The following LRRC4C variants were observed in gnomAD, a reference collection of about 807,000 sequenced individuals.
LRRC4C encodes the protein leucine-rich repeat-containing protein 4C.
Under a neutral mutation model 33.6 loss-of-function variants are expected in LRRC4C, and 5 were observed. That is an observed-to-expected ratio of 0.15 (90% confidence interval 0.08 to 0.31). The LOEUF (loss-of-function observed/expected upper bound fraction) is 0.31. Ranked by LOEUF, LRRC4C falls within the 10% of genes least tolerant of loss-of-function variation. The pLI is 1.00. For synonymous variants in LRRC4C, 329 were observed against 302.0 expected, an observed-to-expected ratio of 1.09 and a Z score of -0.93; for missense variants, 560 against 796.7, an observed-to-expected ratio of 0.70 and a Z score of 3.58.
In LRRC4C at chr11:40,122,228, C is replaced by G. The variant is rs538441257; in HGVS notation, c.-42-5894G>C. On this transcript the variant is annotated intron_variant, in intron 6 of 6. Coordinates refer to ENST00000528697, the MANE Select transcript of LRRC4C (RefSeq NM_001258419.2). ...CTACATTGAAAAACCTTCCTAGACTCATACTTCCAATTCTTTTTTTTAAAT... is the reference window on the plus strand; with the variant it reads ...CTACATTGAAAAACCTTCCTAGACTGATACTTCCAATTCTTTTTTTTAAAT... 2.0e-5 allele frequency among the ~76,000 whole-genome samples: 3 copies of G among 152,256 alleles called. No individual in the cohort carries two copies. In the East Asian group the frequency reaches 5.8e-4, roughly 29 times the overall value.
At chr11:40,326,604 A>G (rs1474432084) in intron 3 of LRRC4C, among the ~76,000 whole-genome samples, 2 of 152,158 alleles carry the variant, frequency 1.3e-5, no homozygotes, top group Non-Finnish European at 2.9e-5. Flanking sequence ...GTGCAGGGCC[A>G]AAGAAGCTTA....
chr11:41,028,171 T>A (rs1565314868), intron 1 of LRRC4C, among the ~76,000 whole-genome samples: 2 of 151,428 alleles, frequency 1.3e-5, no homozygotes, highest in Admixed American at 6.6e-5. Context: ...CATTTTTTTT[T>A]AAAGCTATAT....
chr11:40,700,979 G>T (rs912989166), intron 2 of LRRC4C, among the ~76,000 whole-genome samples: 5 of 152,064 alleles, frequency 3.3e-5, no homozygotes, highest in Admixed American at 1.3e-4. Context: ...ACATATTTTC[G>T]TTTTTCCCTT....
intron 5 of LRRC4C, among the ~76,000 whole-genome samples, chr11:40,170,727 T>G (rs565682811): frequency 6.6e-6 from 1 of 152,178 alleles, no homozygotes; most frequent in Non-Finnish European, 1.5e-5. Context: ...CTTCATCAGG[T>G]GAGAGTTTAC....
At chr11:40,964,305 CAAAT>C (rs1463636018) in intron 1 of LRRC4C, among the ~76,000 whole-genome samples, 1 of 151,416 alleles carries the variant, frequency 6.6e-6, no homozygotes, top group East Asian at 1.9e-4. Flanking sequence ...TCAAACAAAA[CAAAT>C]AAAGCAAAAA....
chr11:40,595,756 A>T (rs1959227351), intron 3 of LRRC4C, among the ~76,000 whole-genome samples: 1 of 152,140 alleles, frequency 6.6e-6, no homozygotes, highest in South Asian at 2.1e-4. Flanking sequence ...GCAGGCAGAA[A>T]TAGCCTGTGT....
chr11:40,886,995 TACAC>T (rs369413177), intron 2 of LRRC4C, among the ~76,000 whole-genome samples: 12 of 144,124 alleles, frequency 8.3e-5, no homozygotes, highest in Non-Finnish European at 1.2e-4. Flanking sequence ...TGTATATATC[TACAC>T]ACACACACAC....
At chr11:40,917,235 A>C (rs1957000037) in intron 2 of LRRC4C, among the ~76,000 whole-genome samples, 1 of 152,110 alleles carries the variant, frequency 6.6e-6, no homozygotes, top group African/African-American at 2.4e-5. Flanking sequence ...TTCTCTCCAT[A>C]ATGTGGCTAG....
chr11:40,870,943 C>A (rs576983666), intron 2 of LRRC4C, among the ~76,000 whole-genome samples: 3 of 152,124 alleles, frequency 2.0e-5, no homozygotes, highest in Non-Finnish European at 2.9e-5. Context: ...TTTTTCTCAG[C>A]AAGGAACATC....
At chr11:40,857,052 T>C (rs1338298913) in intron 2 of LRRC4C, among the ~76,000 whole-genome samples, 1 of 152,170 alleles carries the variant, frequency 6.6e-6, no homozygotes, top group African/African-American at 2.4e-5. Flanking sequence ...GAAAAGTGAT[T>C]CCCAGCAAAT....
At chr11:40,490,255 C>T (rs908358668) in intron 3 of LRRC4C, among the ~76,000 whole-genome samples, 1 of 152,096 alleles carries the variant, frequency 6.6e-6, no homozygotes, top group African/African-American at 2.4e-5. Context: ...AGTACTTGGC[C>T]AAGCTGACAT....
intron 1 of LRRC4C, among the ~76,000 whole-genome samples, chr11:40,962,405 G>A (rs1048781805): frequency 4.6e-5 from 7 of 151,722 alleles, no homozygotes; most frequent in African/African-American, 1.2e-4. Flanking sequence ...ACATTTGTGA[G>A]TTACAACAGA....
intron 6 of LRRC4C, among the ~76,000 whole-genome samples, chr11:40,136,061 G>T (rs1359631978): frequency 6.6e-6 from 1 of 152,118 alleles, no homozygotes; most frequent in African/African-American, 2.4e-5. Context: ...GCAAAATCGG[G>T]CTCACCACGC....
chr11:40,414,703 T>C lies in LRRC4C; in HGVS notation c.-269-94982A>G, dbSNP rs16934817. ...AGAAGAAACATTCCCTTTTGGAACT[T>C]GATTCATGTGAAACTCTATTATTAA... On this transcript the variant is annotated intron_variant, in intron 3 of 6. Coordinates refer to ENST00000528697, the MANE Select transcript of LRRC4C (RefSeq NM_001258419.2). Among the ~76,000 whole-genome samples the C allele has an allele frequency of 6.2e-3, 940 of 152,234 alleles. 15 individuals carry two copies. The highest frequency in any genetic ancestry group is 0.022 in the African/African-American group (896 of 41,546).
At chr11:40,315,439 T>TAC (rs1322753980) in intron 4 of LRRC4C, among the ~76,000 whole-genome samples, 1 of 151,996 alleles carries the variant, frequency 6.6e-6, no homozygotes, top group Non-Finnish European at 1.5e-5. Context: ...GATATTTTTC[T>TAC]ACACATATAA....
intron 2 of LRRC4C, among the ~76,000 whole-genome samples, chr11:40,826,823 C>T (rs913243895): frequency 6.6e-5 from 10 of 151,842 alleles, no homozygotes; most frequent in African/African-American, 2.4e-4. Context: ...AATTCAGTAA[C>T]TAAAATATTG....
At position 41,010,371 on chromosome 11, in the gene LRRC4C, C is replaced by T. The variant is rs372439229; in HGVS notation, c.-495-76648G>A. 9.9e-5 allele frequency among the ~76,000 whole-genome samples: 15 copies of T among 152,112 alleles called. 1 individual carries two copies. Among genetic ancestry groups the T allele is most frequent in the East Asian group, 7.7e-4 (4 of 5,172 alleles). On this transcript the variant is annotated intron_variant, in intron 1 of 6. Coordinates refer to ENST00000528697, the MANE Select transcript of LRRC4C (RefSeq NM_001258419.2). ...GATGTCATCTTGCTTTCATAATTCG[C>T]GTTTTCTGTTTAGATTAAAAAAATC...
intron 4 of LRRC4C, among the ~76,000 whole-genome samples, chr11:40,288,864 T>G (rs2136538287): frequency 6.6e-6 from 1 of 152,288 alleles, no homozygotes; most frequent in Admixed American, 6.5e-5. Flanking sequence ...ATTTTGTACA[T>G]CCAGGTCCAG....
At chr11:40,576,964 C>T (rs1010256343) in intron 3 of LRRC4C, among the ~76,000 whole-genome samples, 2 of 152,080 alleles carry the variant, frequency 1.3e-5, no homozygotes, top group African/African-American at 2.4e-5. Flanking sequence ...ACTTAGTTCC[C>T]TTCTTATAGA....
Sources: allele counts gnomAD v4.1 joint callset (sites outside exome capture counted in the v4.1 genomes callset), GRCh38; gene constraint gnomAD v4.1.1; transcripts MANE v1.5; gene names NCBI Gene and HGNC (gene_info 2026-07-23, HGNC 2026-07-21).